Variants in ACOT12 observed in about 807,000 individuals in gnomAD.
The protein encoded by ACOT12 is acyl-CoA thioesterase 12.
A neutral mutation model predicts 67.7 loss-of-function variants in ACOT12; 51 were observed. That is an observed-to-expected ratio of 0.75 (90% CI 0.60 to 0.95). The LOEUF (loss-of-function observed/expected upper bound fraction) is 0.95, where lower values mean the gene tolerates loss of function less well. ACOT12 is among the 40% of genes least tolerant of loss of function. The pLI, the probability that ACOT12 is intolerant of heterozygous loss-of-function variation, is 0.00. For synonymous variants in ACOT12, 251 were observed against 244.6 expected (o/e 1.03, Z -0.24); for missense variants, 734 against 708.1 (o/e 1.04, Z -0.41).
At chr5:81,329,843 T>A (rs1580521696), downstream of ACOT12, among the ~76,000 whole-genome samples, 1 of 136,108 alleles carries the variant, frequency 7.3e-6, no homozygotes, top group East Asian at 2.1e-4. Flanking sequence ...GACACAAAGT[T>A]GTTCTTATTA....
intron 3 of ACOT12, among the ~76,000 whole-genome samples, chr5:81,365,090 T>C (rs1252863899): frequency 1.3e-5 from 2 of 152,208 alleles, no homozygotes; most frequent in East Asian, 3.8e-4. Context: ...GTCCTCAGGA[T>C]TGCACTTCGC....
chr5:81,322,906 A>C, the ACOT12 span, among the ~76,000 whole-genome samples: 1 of 152,070 alleles, frequency 6.6e-6, no homozygotes, highest in Non-Finnish European at 1.5e-5. Flanking sequence ...TCGCCTCATG[A>C]TTCAATTATC....
chr5:81,356,054 AC>A (rs1759702528), intron 5 of ACOT12, among the ~76,000 whole-genome samples: 1 of 150,806 alleles, frequency 6.6e-6, no homozygotes, highest in Non-Finnish European at 1.5e-5. Context: ...TTCCCTCCCC[AC>A]CCCCCGCATC....
the ACOT12 span, among the ~76,000 whole-genome samples, chr5:81,311,984 T>C: frequency 6.6e-6 from 1 of 152,182 alleles, no homozygotes. Flanking sequence ...CGCAAATAAG[T>C]CTGCTCATTC....
intron 5 of ACOT12, among the ~76,000 whole-genome samples, chr5:81,354,495 G>A (rs184639680): frequency 1.2e-4 from 19 of 152,200 alleles, no homozygotes; most frequent in African/African-American, 4.6e-4. Flanking sequence ...TACCTTGAGG[G>A]GGGTGTGAAG....
chr5:81,311,392 G>A, the ACOT12 span: 7 of 1,076,540 alleles, frequency 6.5e-6, no homozygotes, highest in African/African-American at 1.6e-5. Context: ...AAGACAACCT[G>A]TTTTCCTACT....
intron 11 of ACOT12, among the ~76,000 whole-genome samples, chr5:81,341,618 A>C (rs958219758): frequency 1.3e-5 from 2 of 152,244 alleles, no homozygotes; most frequent in African/African-American, 4.8e-5. Flanking sequence ...ATTAGTGAGC[A>C]TCTCTGAAGT....
chr5:81,377,391 T>C (rs1225317647), intron 2 of ACOT12, among the ~76,000 whole-genome samples: 1 of 152,162 alleles, frequency 6.6e-6, no homozygotes, highest in Non-Finnish European at 1.5e-5. Context: ...TAATACTGAA[T>C]GGGGAAAAGC....
At chr5:81,362,333 T>G (rs1301108513) in intron 4 of ACOT12, among the ~76,000 whole-genome samples, 2 of 151,978 alleles carry the variant, frequency 1.3e-5, no homozygotes, top group African/African-American at 4.8e-5. Context: ...GCCCAGTTAA[T>G]TTTTGTATTT....
chr5:81,389,573 G>A (rs1447527600), intron 1 of ACOT12, among the ~76,000 whole-genome samples: 1 of 152,090 alleles, frequency 6.6e-6, no homozygotes, highest in African/African-American at 2.4e-5. Context: ...TGTCATCCAG[G>A]CTGGAGTGTG....
the ACOT12 span, among the ~76,000 whole-genome samples, chr5:81,320,685 T>C: frequency 6.6e-6 from 1 of 151,674 alleles, no homozygotes; most frequent in African/African-American, 2.4e-5. Flanking sequence ...CACAAGAAAA[T>C]ATGACATTAT....
chr5:81,330,738 G>A, intron 14 of ACOT12, 76 bp downstream of exon 14: 4 of 1,568,320 alleles, frequency 2.6e-6, no homozygotes, highest in Non-Finnish European at 3.5e-6. Flanking sequence ...CAATTAATTA[G>A]GACATCTGGG....
chr5:81,324,802 A>G, the ACOT12 span, among the ~76,000 whole-genome samples: 5 of 152,250 alleles, frequency 3.3e-5, no homozygotes, highest in African/African-American at 1.2e-4. Flanking sequence ...GAGACTAAGT[A>G]AGTCAAGAAC....
chr5:81,348,071 G>T, intron 5 of ACOT12, 141 bp from the exon 6 acceptor site: 1 of 887,718 alleles, frequency 1.1e-6, no homozygotes, highest in Non-Finnish European at 1.7e-6. Context: ...TGAGAAAATT[G>T]ACAGGTTCTA....
chr5:81,376,119 C>T (rs1431240050), intron 2 of ACOT12, among the ~76,000 whole-genome samples: 1 of 152,000 alleles, frequency 6.6e-6, no homozygotes, highest in Non-Finnish European at 1.5e-5. Flanking sequence ...TGCAAAAGAA[C>T]GGAAATCATA....
At chr5:81,323,956 T>A in the ACOT12 span, among the ~76,000 whole-genome samples, 3 of 139,256 alleles carry the variant, frequency 2.2e-5, no homozygotes, top group South Asian at 4.5e-4. Context: ...ATATATATAT[T>A]TTTTAGACAG....
intron 11 of ACOT12, among the ~76,000 whole-genome samples, chr5:81,341,374 G>A (rs566970560): frequency 2.2e-4 from 34 of 152,256 alleles, no homozygotes; most frequent in Non-Finnish European, 3.2e-4. Flanking sequence ...GAGTTGAAAC[G>A]AATCAATGAA....
At position 81,347,836 on chromosome 5, in the gene ACOT12, G is replaced by A. The variant is rs149420016; in HGVS notation, c.591C>T (p.His197=). ...TAATCTGGCCACCAAATGTATTTCC[G>A]TGATGGTTTGCATGGGGTGGGAGGA... ...ELVLPPHANH[H]GNTFGGQIMA... is the part of the protein sequence containing the mutation. The change falls in exon 6 of 15, where the codon CAC becomes CAT. Residue 197 remains histidine, a synonymous_variant. Coordinates refer to ENST00000307624, the MANE Select transcript of ACOT12 (RefSeq NM_130767.3). The A allele has an allele frequency of 3.0e-5, 49 of 1,614,024 alleles. No individual in the cohort carries two copies. The highest frequency in any genetic ancestry group is 1.0e-4 in the Admixed American group (6 of 59,990).
At chr5:81,341,203 T>G (rs1391754282) in intron 11 of ACOT12, among the ~76,000 whole-genome samples, 2 of 152,318 alleles carry the variant, frequency 1.3e-5, no homozygotes, top group Admixed American at 1.3e-4. Flanking sequence ...AACAAATGCA[T>G]TAGTTAAACC....
Sources: allele counts gnomAD v4.1 joint callset (sites outside exome capture counted in the v4.1 genomes callset), GRCh38; gene constraint gnomAD v4.1.1; transcripts MANE v1.5; gene names NCBI Gene and HGNC (gene_info 2026-07-23, HGNC 2026-07-21).